Variants in CADM2 observed in about 807,000 individuals in gnomAD.
The protein encoded by CADM2 is cell adhesion molecule 2.
In CADM2, 12 loss-of-function variants were observed where a neutral mutation model predicts 49.8. The ratio of observed to expected loss-of-function variants is 0.24; its 90% CI spans 0.15 to 0.39. The LOEUF is 0.39. CADM2 is among the 10% of genes least tolerant of loss of function. CADM2 has a pLI of 1.00. For synonymous variants in CADM2, 214 were observed against 175.4 expected (o/e 1.22, Z -1.74); for missense variants, 378 against 492.3 (o/e 0.77, Z 2.20).
chr3:85,035,029 C>T (rs192759270), intron 1 of CADM2, among the ~76,000 whole-genome samples: 42 of 152,034 alleles, frequency 2.8e-4, no homozygotes, highest in African/African-American at 8.7e-4. Context: ...TCTCGAAGTC[C>T]TGATCTTGTG....
At chr3:85,703,130 G>T (rs1450197390) in intron 1 of CADM2, among the ~76,000 whole-genome samples, 1 of 152,080 alleles carries the variant, frequency 6.6e-6, no homozygotes, top group East Asian at 1.9e-4. Flanking sequence ...ATAAAATATT[G>T]AGATTATACT....
intron 1 of CADM2, among the ~76,000 whole-genome samples, chr3:85,142,329 A>G (rs1025683759): frequency 6.6e-6 from 1 of 152,208 alleles, no homozygotes; most frequent in Non-Finnish European, 1.5e-5. Context: ...ACCATGGATC[A>G]GTTAAAATAC....
intron 1 of CADM2, among the ~76,000 whole-genome samples, chr3:85,365,397 G>A (rs902837810): frequency 1.3e-5 from 2 of 151,670 alleles, no homozygotes; most frequent in Non-Finnish European, 2.9e-5. Context: ...ACTATACTTC[G>A]GGCAAAATAT....
intron 1 of CADM2, among the ~76,000 whole-genome samples, chr3:85,471,488 A>G (rs151332377): frequency 1.1e-4 from 16 of 152,250 alleles, no homozygotes; most frequent in African/African-American, 3.6e-4. Context: ...GGTGGACCAT[A>G]AGCAATCTGT....
At chr3:85,827,667 A>C (rs1283505925) in intron 3 of CADM2, among the ~76,000 whole-genome samples, 2 of 151,986 alleles carry the variant, frequency 1.3e-5, no homozygotes, top group African/African-American at 4.8e-5. Flanking sequence ...AGTTCATGAG[A>C]AAGGTTTCAA....
At chr3:85,977,478 A>G (rs1031630312) in intron 8 of CADM2, among the ~76,000 whole-genome samples, 36 of 151,552 alleles carry the variant, frequency 2.4e-4, no homozygotes, top group Non-Finnish European at 3.4e-4. Flanking sequence ...CTAATCAGCA[A>G]ATAATTTTGC....
At chr3:85,273,881 C>T (rs951489686) in intron 1 of CADM2, among the ~76,000 whole-genome samples, 4 of 151,316 alleles carry the variant, frequency 2.6e-5, no homozygotes, top group South Asian at 2.1e-4. Context: ...GAAGAGGTTA[C>T]GTCCAGTCTG....
chr3:86,026,382 A>T (rs908633923), intron 8 of CADM2, among the ~76,000 whole-genome samples: 9 of 151,896 alleles, frequency 5.9e-5, no homozygotes, highest in African/African-American at 2.2e-4. Context: ...TTTAAGTCAC[A>T]ATTTACACTG....
At chr3:85,501,530 CGTT>C (rs2040114831) in intron 1 of CADM2, among the ~76,000 whole-genome samples, 3 of 152,052 alleles carry the variant, frequency 2.0e-5, no homozygotes, top group Admixed American at 1.3e-4. Flanking sequence ...AGAGACCTAA[CGTT>C]GTATGAATTT....
Position 85,456,918 on chromosome 3 carries a change from G to T in CADM2, c.62-269604G>T, listed in dbSNP as rs995408281. On this transcript the variant is annotated intron_variant, in intron 1 of 9. Transcript: ENST00000383699. ...ATTGTCAGGCTGTTTAATGAAAAAC[G>T]GATGTGTGCAGTTTAAAAACAGTTG... 2.6e-5 allele frequency among the ~76,000 whole-genome samples: 4 copies of T among 151,256 alleles called. 1 individual carries two copies. Among genetic ancestry groups the T allele is most frequent in the Non-Finnish European group, 4.4e-5 (3 of 67,924 alleles).
rs188857013 is a variant in CADM2, at chr3:85,197,034, G to T, written c.61+237366G>T. On this transcript the variant is annotated intron_variant, in intron 1 of 9. Coordinates refer to ENST00000383699, the MANE Select transcript of CADM2 (RefSeq NM_001167675.2). Reference sequence around the variant, plus strand: ...TTGGCCTAGGGAAAACCTTTGCTACGTTTTAGGACAACCATTATCAGTTAC... The same window carrying T: ...TTGGCCTAGGGAAAACCTTTGCTACTTTTTAGGACAACCATTATCAGTTAC... Among the ~76,000 whole-genome samples the T allele has an allele frequency of 2.4e-3, 361 of 151,996 alleles. 3 individuals are homozygous for T. Among genetic ancestry groups the T allele is most frequent in the Non-Finnish European group, 7.5e-4 (51 of 67,864 alleles).
chr3:85,442,803 C>T (rs972144496), intron 1 of CADM2, among the ~76,000 whole-genome samples: 3 of 151,088 alleles, frequency 2.0e-5, no homozygotes, highest in Non-Finnish European at 3.0e-5. Flanking sequence ...TTGAAGAGAA[C>T]TTCCAATGAG....
intron 1 of CADM2, among the ~76,000 whole-genome samples, chr3:85,397,645 G>A (rs1054614736): frequency 3.9e-5 from 6 of 152,104 alleles, no homozygotes; most frequent in Admixed American, 3.3e-4. Flanking sequence ...GACAAATATT[G>A]TATGAATCAC....
chr3:85,487,528 G>T (rs773600767), intron 1 of CADM2, among the ~76,000 whole-genome samples: 1 of 151,344 alleles, frequency 6.6e-6, no homozygotes, highest in Non-Finnish European at 1.5e-5. Flanking sequence ...AGGAGAAGGA[G>T]GAAGTGGAGG....
chr3:85,437,638 C>T (rs1196895370), intron 1 of CADM2, among the ~76,000 whole-genome samples: 1 of 151,852 alleles, frequency 6.6e-6, no homozygotes, highest in Non-Finnish European at 1.5e-5. Context: ...TATTTGCCGT[C>T]TACATAACCA....
chr3:85,919,528 A>G (rs1718824098), intron 6 of CADM2, among the ~76,000 whole-genome samples: 1 of 151,930 alleles, frequency 6.6e-6, no homozygotes, highest in Non-Finnish European at 1.5e-5. Context: ...GTTTGGGTCC[A>G]ATTGTTACTA....
chr3:85,492,485 G>A (rs144025175), intron 1 of CADM2, among the ~76,000 whole-genome samples: 1 of 151,950 alleles, frequency 6.6e-6, no homozygotes, highest in East Asian at 1.9e-4. Flanking sequence ...CCAGCTACTC[G>A]GAAGGCTGAG....
At chr3:85,933,880 T>A (rs1462063008) in intron 6 of CADM2, among the ~76,000 whole-genome samples, 1 of 152,038 alleles carries the variant, frequency 6.6e-6, no homozygotes, top group Non-Finnish European at 1.5e-5. Context: ...GCCTTTTAAT[T>A]TTATTTAGTC....
At chr3:85,123,513 G>A (rs1408663205) in intron 1 of CADM2, among the ~76,000 whole-genome samples, 1 of 152,196 alleles carries the variant, frequency 6.6e-6, no homozygotes, top group South Asian at 2.1e-4. Context: ...CCCCAAAATT[G>A]ATGTGATTGT....
Sources: allele counts gnomAD v4.1 joint callset (sites outside exome capture counted in the v4.1 genomes callset), GRCh38; gene constraint gnomAD v4.1.1; transcripts MANE v1.5; gene names NCBI Gene and HGNC (gene_info 2026-07-23, HGNC 2026-07-21).